CDH18: variants seen among roughly 807,000 people sequenced by gnomAD.
CDH18 encodes the protein cadherin 18, also known as cadherin-18.
Under a neutral mutation model 67.9 loss-of-function variants are expected in CDH18, and 31 were observed. The ratio of observed to expected loss-of-function variants is 0.46; its 90% confidence interval spans 0.34 to 0.62. The LOEUF (loss-of-function observed/expected upper bound fraction) is 0.62. Ranked by LOEUF, CDH18 falls within the 20% of genes least tolerant of loss-of-function variation. The pLI, the probability that CDH18 is intolerant of heterozygous loss-of-function variation, is 0.01. For missense variants in CDH18, 890 were observed against 975.5 expected, an observed-to-expected ratio of 0.91 and a Z score of 1.17; for synonymous variants, 362 against 347.2, an observed-to-expected ratio of 1.04 and a Z score of -0.48.
intron 2 of CDH18, among the ~76,000 whole-genome samples, chr5:19,952,032 C>G (rs1795842865): frequency 6.6e-6 from 1 of 151,930 alleles, no homozygotes; most frequent in Admixed American, 6.6e-5. Context: ...CCTAATTATA[C>G]TTTTCCAATT....
chr5:20,325,801 A>G (rs957377840), intron 1 of CDH18, among the ~76,000 whole-genome samples: 1 of 152,128 alleles, frequency 6.6e-6, no homozygotes, highest in African/African-American at 2.4e-5. Context: ...ATATTCTCTG[A>G]CATCTGGTTT....
intron 1 of CDH18, among the ~76,000 whole-genome samples, chr5:20,518,822 T>G (rs995532642): frequency 6.6e-6 from 1 of 152,262 alleles, no homozygotes; most frequent in Non-Finnish European, 1.5e-5. Flanking sequence ...TGCTATTTGT[T>G]AACACAATTC....
chr5:20,447,669 A>G (rs1750104781), intron 1 of CDH18, among the ~76,000 whole-genome samples: 1 of 152,054 alleles, frequency 6.6e-6, no homozygotes, highest in South Asian at 2.1e-4. Flanking sequence ...TTTACACTCC[A>G]ATTTCATTTA....
intron 7 of CDH18, among the ~76,000 whole-genome samples, chr5:19,584,311 C>G (rs1323164494): frequency 6.6e-6 from 1 of 152,152 alleles, no homozygotes; most frequent in Non-Finnish European, 1.5e-5. Context: ...CAGACAGGAA[C>G]GTTGCAGACA....
chr5:20,544,582 C>A (rs982566860), intron 1 of CDH18, among the ~76,000 whole-genome samples: 2 of 151,836 alleles, frequency 1.3e-5, no homozygotes, highest in African/African-American at 4.8e-5. Context: ...AGAGAGAGAG[C>A]GAGAGAGGGA....
intron 2 of CDH18, among the ~76,000 whole-genome samples, chr5:20,115,403 T>A (rs1471413157): frequency 6.8e-6 from 1 of 146,884 alleles, no homozygotes; most frequent in Non-Finnish European, 1.5e-5. Context: ...CTCAGCCTCC[T>A]GAGTAGCTGG....
chr5:20,472,607 T>C (rs904411876), intron 1 of CDH18, among the ~76,000 whole-genome samples: 1 of 152,228 alleles, frequency 6.6e-6, no homozygotes, highest in Non-Finnish European at 1.5e-5. Flanking sequence ...AATCATGAAT[T>C]CAACTTGCCA....
chr5:19,471,894 T>C lies in CDH18; in HGVS notation c.*1332A>G, dbSNP rs1428747589. Among the ~76,000 whole-genome samples the C allele has an allele frequency of 3.3e-5, 5 of 152,170 alleles. No homozygotes were observed. Among genetic ancestry groups the C allele is most frequent in the African/African-American group, 9.7e-5 (4 of 41,440 alleles). On this transcript the variant is annotated 3_prime_UTR_variant, in exon 13 of 13. Transcript: ENST00000382275. ...TAAGCGTCTGCAAGCTTTTATGCAA[T>C]TGAATACTTTGCAGTTGGCAAAGCA...
intron 2 of CDH18, among the ~76,000 whole-genome samples, chr5:19,904,757 A>G (rs1790353854): frequency 6.6e-6 from 1 of 152,148 alleles, no homozygotes; most frequent in Non-Finnish European, 1.5e-5. Context: ...GAAGTATTAT[A>G]ATTTGATTTT....
At chr5:20,062,555 G>T (rs1429295015) in intron 2 of CDH18, among the ~76,000 whole-genome samples, 2 of 152,036 alleles carry the variant, frequency 1.3e-5, no homozygotes, top group South Asian at 4.1e-4. Flanking sequence ...CTTCATCAAG[G>T]TATTTTATTA....
At chr5:19,611,923 T>G (rs1749021862) in intron 6 of CDH18, among the ~76,000 whole-genome samples, 1 of 150,086 alleles carries the variant, frequency 6.7e-6, no homozygotes, top group South Asian at 2.1e-4. Context: ...CTTATCATAT[T>G]AACTTCAACT....
intron 3 of CDH18, among the ~76,000 whole-genome samples, chr5:19,788,647 C>T (rs1349504262): frequency 6.6e-5 from 10 of 152,060 alleles, no homozygotes; most frequent in Non-Finnish European, 1.5e-4. Flanking sequence ...CTATCATTGA[C>T]AAGATTGATG....
intron 2 of CDH18, among the ~76,000 whole-genome samples, chr5:19,840,340 T>G (rs1322491757): frequency 6.7e-6 from 1 of 149,338 alleles, no homozygotes; most frequent in East Asian, 2.0e-4. Flanking sequence ...ATACTATGAT[T>G]GGGCAACAAA....
intron 2 of CDH18, among the ~76,000 whole-genome samples, chr5:20,248,736 A>C (rs920479553): frequency 6.6e-6 from 1 of 152,216 alleles, no homozygotes; most frequent in Non-Finnish European, 1.5e-5. Context: ...GTACTTAAAA[A>C]TACAAGCATA....
intron 4 of CDH18, among the ~76,000 whole-genome samples, chr5:19,738,523 G>T (rs1323893404): frequency 6.6e-6 from 1 of 152,122 alleles, no homozygotes; most frequent in African/African-American, 2.4e-5. Flanking sequence ...CTATACATAT[G>T]AAAGTCATTC....
chr5:19,533,040 C>A (rs115146532), intron 9 of CDH18, among the ~76,000 whole-genome samples: 2,938 of 152,154 alleles, frequency 0.019, 78 homozygotes, highest in African/African-American at 0.066. Context: ...ATTGCAGCTG[C>A]AGATTAAAAT....
chr5:20,124,836 G>T (rs192376504), intron 2 of CDH18, among the ~76,000 whole-genome samples: 1 of 152,118 alleles, frequency 6.6e-6, no homozygotes, highest in Non-Finnish European at 1.5e-5. Flanking sequence ...AGAAGAGCTT[G>T]GTTGATGACT....
Position 19,503,036 on chromosome 5 carries a change from T to C in CDH18, c.1586A>G (p.Glu529Gly). 6.2e-7 allele frequency: 1 copy of C among 1,612,562 alleles called. No individual in the cohort carries two copies. ...NGPRFNFFLDERLPVNPNFTL... is the reference protein window; with the variant it reads ...NGPRFNFFLDGRLPVNPNFTL... The stretch of plus-strand genomic sequence containing the variant: ...GAAGTTTGGATTTACAGGCAGGCGT[T>C]CATCAAGAAAGAAGTTAAACCTTGG... Residue 529 changes from glutamate to glycine, a missense_variant, in exon 11 of 13, where the codon GAA becomes GGA. Around this residue, in one of 2 missense-constraint regions of CDH18, gnomAD observed 656 missense variants for 668.1 expected, o/e 0.98. Transcript: ENST00000382275.
At chr5:20,573,649 C>T (rs901756397) in intron 1 of CDH18, among the ~76,000 whole-genome samples, 2 of 150,488 alleles carry the variant, frequency 1.3e-5, no homozygotes, top group Non-Finnish European at 1.5e-5. Context: ...ATAAGCAAAA[C>T]AATAACTAAA....
Sources: allele counts gnomAD v4.1 joint callset (sites outside exome capture counted in the v4.1 genomes callset), GRCh38; gene constraint gnomAD v4.1.1; regional missense constraint gnomAD v4.1.1; transcripts MANE v1.5; gene names NCBI Gene and HGNC (gene_info 2026-07-23, HGNC 2026-07-21).